BEST4: variants seen among roughly 807,000 people sequenced by gnomAD.
The protein encoded by BEST4 is bestrophin-4.
Under a neutral mutation model 47.1 loss-of-function variants are expected in BEST4, and 36 were observed. That is an observed-to-expected ratio of 0.76 (90% confidence interval 0.59 to 1.01). The LOEUF is 1.01. BEST4 is among the 50% of genes least tolerant of loss of function. The pLI is 0.00. For synonymous variants in BEST4, 250 were observed against 277.8 expected (o/e 0.90, Z 1.00); for missense variants, 550 against 648.6 (o/e 0.85, Z 1.65).
chr1:44,784,470 G>T lies in BEST4; in HGVS notation c.1162C>A (p.Pro388Thr). ...STFNLRMSDD[P>T]EQSLQVEASP... ...GCCTCCACCTGCAGGCTCTGCTCAG[G>T]GTCGTCGCTCATGCTGCGGGCGGGA... The change falls in exon 9 of 9, where the codon CCT becomes ACT. Residue 388 changes from proline to threonine, a missense_variant. Pro to Thr is a conservative substitution (Grantham distance 38, BLOSUM62 -1). Around this residue, in one of 3 missense-constraint regions of BEST4, gnomAD observed 255 missense variants for 286.6 expected, o/e 0.89. Coordinates refer to ENST00000372207, the MANE Select transcript of BEST4 (RefSeq NM_153274.3). The surrounding 1 kb of genome is among the most constrained non-coding windows in gnomAD (Gnocchi z 6.2). 1 of 1,468,100 alleles carries T rather than the reference G, an allele frequency of 6.8e-7. No homozygotes were observed. Among genetic ancestry groups the T allele is most frequent in the South Asian group, 1.4e-5 (1 of 72,698 alleles). 90.9% of individuals were successfully genotyped at this position (1,468,100 alleles called of 1,614,324 possible).
chr1:44,787,322 T>C, intron 2 of BEST4, 50 bp downstream of exon 2: 1 of 1,589,888 alleles, frequency 6.3e-7, no homozygotes, highest in Non-Finnish European at 8.6e-7. Context: ...AACCCAGAGG[T>C]CAGGGAACAC....
At chr1:44,789,705 GAAAAAGAAAAAGA>G (rs1005458979), upstream of BEST4, among the ~76,000 whole-genome samples, 3 of 151,690 alleles carry the variant, frequency 2.0e-5, no homozygotes, top group African/African-American at 4.8e-5. Context: ...TCTCAAAAAA[GAAAAAGAAAAAGA>G]AAAAAGAAAA....
At chr1:44,782,703 G>A (rs972366574), downstream of BEST4, among the ~76,000 whole-genome samples, 3 of 152,062 alleles carry the variant, frequency 2.0e-5, no homozygotes, top group Non-Finnish European at 4.4e-5. Flanking sequence ...ACATACAGAT[G>A]GAAAGAAGCA....
Position 44,784,214 on chromosome 1 carries a change from G to A in BEST4, c.1418C>T (p.Pro473Leu). The A allele has an allele frequency of 1.4e-6, 2 of 1,436,262 alleles. No individual in the cohort carries two copies. Among genetic ancestry groups the A allele is most frequent in the South Asian group, 1.4e-5 (1 of 70,540 alleles). The allele number at this position is 1,436,262 out of a possible 1,614,324, so 89.0% of individuals were successfully genotyped here. A position where few individuals can be genotyped will look rare whatever the true frequency, so the allele number is the denominator to read the frequency against. ...SAESGDEALE[P>L] ...CGGGCGGGGGCAGGCGAGACCTCAG[G>A]GCTCCAGGGCCTCGTCCCCGGACTC... The change falls in exon 9 of 9, where the codon CCC (proline) becomes CTC (leucine). Residue 473 changes from proline to leucine, a missense_variant. This residue lies in a region of BEST4 where 255 missense variants were observed against 286.6 expected (regional missense o/e 0.89). Coordinates refer to ENST00000372207, the MANE Select transcript of BEST4 (RefSeq NM_153274.3). This position sits in a 1 kb window ranked among gnomAD's most constrained non-coding sequence, Gnocchi z 6.2.
In BEST4 at chr1:44,785,126, GA is replaced by G; in HGVS notation, c.893del (p.Phe298SerfsTer29). The G allele has an allele frequency of 6.2e-7, 1 of 1,613,802 alleles. No individual in the cohort carries two copies. Among genetic ancestry groups the G allele is most frequent in the East Asian group, 2.2e-5 (1 of 44,878 alleles). On this transcript the variant is annotated frameshift_variant, in exon 6 of 9. Transcript: ENST00000372207. LOFTEE classifies it high-confidence loss of function. ...VPLTTLLQFF[F>X]YAGWLKVAEQ... is the part of the protein sequence containing the mutation. The stretch of plus-strand genomic sequence containing the variant: ...TGCCCACCTTGAGCCAGCCAGCATA[GA>G]AGAAGAACTGCAGCAGAGTGGTGAG...
chr1:44,785,377 G>A (rs1651181628), intron 5 of BEST4, 72 bp from the exon 6 acceptor site: 1 of 1,445,376 alleles, frequency 6.9e-7, no homozygotes, highest in African/African-American at 1.4e-5. Context: ...TGCCTCTGAG[G>A]ATCTATGGGA....
At position 44,786,563 on chromosome 1, in the gene BEST4, G is replaced by T. The variant is rs1365502706; in HGVS notation, c.381C>A (p.Thr127=). 2 of 1,550,478 alleles carry T rather than the reference G, an allele frequency of 1.3e-6. No individual in the cohort carries two copies. ...VDQRGRLLRR[T]LIRYANLASV... ...ACGCCAGGTTCGCGTAGCGGATGAG[G>T]GTGCGGCGCAGCAGGCGGCCCCGCT... The change falls in exon 3 of 9, where the codon ACC becomes ACA. Residue 127 remains threonine (T), a synonymous_variant. Coordinates refer to ENST00000372207, the MANE Select transcript of BEST4 (RefSeq NM_153274.3). This position sits in a 1 kb window ranked among gnomAD's most constrained non-coding sequence, Gnocchi z 4.9.
At chr1:44,787,333 A>G (rs1651279994) in intron 2 of BEST4, 39 bp downstream of exon 2, 2 of 1,604,934 alleles carry the variant, frequency 1.2e-6, no homozygotes, top group East Asian at 4.5e-5. Context: ...CAGGGAACAC[A>G]GTAAGGGGGA....
Position 44,787,427 on chromosome 1 carries a change from C to T in BEST4, c.192G>A (p.Gln64=), listed in dbSNP as rs1651284002. 1 of 1,614,078 alleles carries T rather than the reference C, an allele frequency of 6.2e-7. No individual in the cohort carries two copies. Among genetic ancestry groups the T allele is most frequent in the Admixed American group, 1.7e-5 (1 of 60,002 alleles). The change falls in exon 2 of 9, where the codon CAG becomes CAA. Residue 64 remains glutamine, a synonymous_variant. Transcript: ENST00000372207. The part of the protein sequence containing the change: ...LTQEQRYVYA[Q]VARYCNRSAD... ...CTGAGCGGTTGCAGTACCGGGCCAC[C>T]TGAGCATACACGTACCTCTGCTCCT... is the stretch of plus-strand genomic sequence containing the variant.
upstream of BEST4, among the ~76,000 whole-genome samples, chr1:44,790,325 C>T (rs1364172400): frequency 1.3e-5 from 2 of 152,192 alleles, no homozygotes; most frequent in East Asian, 3.8e-4. Context: ...CTGAGACTTA[C>T]CCACCTCTAC....
chr1:44,784,395 C>T lies in BEST4; in HGVS notation c.1237G>A (p.Gly413Ser). The change falls in exon 9 of 9, where the codon GGC becomes AGC. Residue 413 changes from glycine (G) to serine (S), a missense_variant. This residue lies in a region of BEST4 where 255 missense variants were observed against 286.6 expected (regional missense o/e 0.89). Coordinates refer to ENST00000372207, the MANE Select transcript of BEST4 (RefSeq NM_153274.3). The surrounding 1 kb of genome is among the most constrained non-coding windows in gnomAD (Gnocchi z 6.2). Reference protein sequence around the residue: ...PAPAAQTPLLGRFLGVGAPSP... With the variant: ...PAPAAQTPLLSRFLGVGAPSP... ...GGCGCCCCTACGCCCAGGAAGCGGC[C>T]GAGCAACGGGGTCTGCGCGGCGGGC... The T allele has an allele frequency of 5.7e-6, 8 of 1,401,998 alleles. No individual in the cohort carries two copies. The highest frequency in any genetic ancestry group is 6.4e-6 in the Non-Finnish European group (7 of 1,090,052). The allele number at this position is 1,401,998 out of a possible 1,614,324, so 86.8% of individuals were successfully genotyped here.
In BEST4 at chr1:44,786,677, C is replaced by A; in HGVS notation, c.267G>T (p.Val89=). 6.4e-7 allele frequency: 1 copy of A among 1,551,164 alleles called. No individual in the cohort carries two copies. The highest frequency in any genetic ancestry group is 8.7e-7 in the Non-Finnish European group (1 of 1,146,736). The part of the protein sequence containing the change: ...SFVLGFYVTL[V]VNRWWSQYTS... ...TGTACTGGGACCACCAGCGGTTCAC[C>A]ACGAGAGTCACATAGAAACCTGCTT... Residue 89 remains valine, a synonymous_variant, in exon 3 of 9, where the codon GTG becomes GTT. Transcript: ENST00000372207. This position sits in a 1 kb window ranked among gnomAD's most constrained non-coding sequence, Gnocchi z 4.9.
At chr1:44,789,596 G>A (rs1185298078), upstream of BEST4, among the ~76,000 whole-genome samples, 2 of 152,156 alleles carry the variant, frequency 1.3e-5, no homozygotes, top group East Asian at 3.9e-4. Context: ...TACTCCGGAG[G>A]CTGAGACAGA....
At chr1:44,792,696 T>C (rs904353970), upstream of BEST4, among the ~76,000 whole-genome samples, 1 of 152,110 alleles carries the variant, frequency 6.6e-6, no homozygotes, top group African/African-American at 2.4e-5. Flanking sequence ...GCATCTCTTG[T>C]TCTTGACCCT....
upstream of BEST4, among the ~76,000 whole-genome samples, chr1:44,792,712 G>A (rs905990795): frequency 3.3e-5 from 5 of 152,004 alleles, no homozygotes; most frequent in African/African-American, 1.2e-4. Flanking sequence ...ACCCTCCTCC[G>A]TTGGCCTCTG....
At chr1:44,787,525 T>G in intron 1 of BEST4, 29 bp downstream of exon 1, 1 of 1,614,086 alleles carries the variant, frequency 6.2e-7, no homozygotes, top group Non-Finnish European at 8.5e-7. Context: ...GTCTCCCCAC[T>G]TGCGCCAGCT....
downstream of BEST4, among the ~76,000 whole-genome samples, chr1:44,782,748 C>T (rs1319542965): frequency 6.6e-6 from 1 of 152,180 alleles, no homozygotes; most frequent in Admixed American, 6.5e-5. Flanking sequence ...CTGACCCTGC[C>T]AGAGGCTGGA....
At chr1:44,787,337 AG>A (rs748066112) in intron 2 of BEST4, 34 bp downstream of exon 2, 1 of 1,606,772 alleles carries the variant, frequency 6.2e-7, no homozygotes, top group Non-Finnish European at 8.5e-7. Context: ...GAACACAGTA[AG>A]GGGGACACAG....
intron 5 of BEST4, 56 bp downstream of exon 5, chr1:44,785,543 C>T: frequency 6.8e-7 from 1 of 1,461,412 alleles, no homozygotes; most frequent in Non-Finnish European, 9.3e-7. Flanking sequence ...TCTCATCTCA[C>T]ACACAGCACA....
Sources: allele counts gnomAD v4.1 joint callset (sites outside exome capture counted in the v4.1 genomes callset), GRCh38; gene constraint gnomAD v4.1.1; regional missense constraint gnomAD v4.1.1; non-coding constraint Gnocchi (gnomAD v3.1); transcripts MANE v1.5; gene names NCBI Gene and HGNC (gene_info 2026-07-23, HGNC 2026-07-21).